Variants in DTHD1 observed in about 807,000 individuals in gnomAD.
The protein encoded by DTHD1 is death domain-containing protein 1.
A neutral mutation model predicts 74.8 loss-of-function variants in DTHD1; 59 were observed. That is an observed-to-expected ratio of 0.79 (90% CI 0.64 to 0.98). DTHD1 has a LOEUF of 0.98. DTHD1 is among the 50% of genes least tolerant of loss of function. The pLI is 0.00. For missense variants in DTHD1, 1,051 were observed against 1,065.4 expected (o/e 0.99, Z 0.19); for synonymous variants, 365 against 371.1 (o/e 0.98, Z 0.19).
At chr4:36,340,825 A>G (rs1759275363) in intron 9 of DTHD1, among the ~76,000 whole-genome samples, 1 of 152,144 alleles carries the variant, frequency 6.6e-6, no homozygotes, top group African/African-American at 2.4e-5. Flanking sequence ...GAGGACAGAA[A>G]TAGAAGAGGC....
intron 5 of DTHD1, among the ~76,000 whole-genome samples, chr4:36,305,798 G>C (rs1015960827): frequency 7.2e-5 from 11 of 152,062 alleles, no homozygotes; most frequent in African/African-American, 9.7e-5. Context: ...TTACATCAGC[G>C]AGTTTATTAA....
At chr4:36,285,356 T>C (rs1340667191) in intron 2 of DTHD1, among the ~76,000 whole-genome samples, 3 of 152,158 alleles carry the variant, frequency 2.0e-5, no homozygotes, top group African/African-American at 7.2e-5. Context: ...AAGAAAATCA[T>C]TATGAGTTTT....
intron 2 of DTHD1, among the ~76,000 whole-genome samples, chr4:36,290,060 T>C (rs990527755): frequency 2.6e-5 from 4 of 152,316 alleles, no homozygotes; most frequent in African/African-American, 9.6e-5. Flanking sequence ...TAAATAACAA[T>C]AGTAACAAAA....
At chr4:36,331,537 T>A (rs963385468) in intron 8 of DTHD1, among the ~76,000 whole-genome samples, 3 of 152,212 alleles carry the variant, frequency 2.0e-5, no homozygotes, top group Middle Eastern at 3.2e-3. Context: ...CTATCACTTT[T>A]ACTTGTATGT....
intron 6 of DTHD1, among the ~76,000 whole-genome samples, chr4:36,306,956 A>G (rs767721910): frequency 6.6e-5 from 10 of 152,240 alleles, no homozygotes; most frequent in Non-Finnish European, 1.5e-4. Flanking sequence ...TGAATCCTGT[A>G]GGGCAAAGGA....
At position 36,306,284 on chromosome 4, in the gene DTHD1, G is replaced by A. The variant is rs996610454; in HGVS notation, c.1737G>A (p.Gly579=). The A allele has an allele frequency of 6.4e-7, 1 of 1,551,680 alleles. No individual in the cohort carries two copies. Among genetic ancestry groups the A allele is most frequent in the Non-Finnish European group, 8.7e-7 (1 of 1,146,952 alleles). ...GAAGCCAAGACAGTGGTTGGTGTGG[G>A]CTTGATGATGTTGTGAAAACCATAC... ...GFRSQDSGWC[G]LDDVVKTIQS... Residue 579 remains glycine, a synonymous_variant, in exon 6 of 10, where the codon GGG becomes GGA. Coordinates refer to ENST00000639862, the MANE Select transcript of DTHD1 (RefSeq NM_001170700.3).
rs138647023 is a variant in DTHD1 at position 36,307,018 on chromosome 4, C to T, written c.1805+666C>T. Among the ~76,000 whole-genome samples, 55 of 152,316 alleles carry T rather than the reference C, an allele frequency of 3.6e-4. 2 individuals carry two copies. In the South Asian group the frequency reaches 6.8e-3, roughly 19 times the overall value. On this transcript the variant is annotated intron_variant, in intron 6 of 9. Coordinates refer to ENST00000639862, the MANE Select transcript of DTHD1 (RefSeq NM_001170700.3). ...GATGAAGTATTTCTGTAGCCTGACA[C>T]GCTCCGGGGAGCTCTGCAGTGCGAG...
intron 8 of DTHD1, among the ~76,000 whole-genome samples, chr4:36,329,179 G>T (rs16992080): frequency 6.6e-6 from 1 of 152,120 alleles, no homozygotes; most frequent in Non-Finnish European, 1.5e-5. Context: ...ACCTTTAGAG[G>T]GTTTGGCAAA....
At chr4:36,291,951 G>A (rs1241597227) in intron 3 of DTHD1, among the ~76,000 whole-genome samples, 1 of 152,094 alleles carries the variant, frequency 6.6e-6, no homozygotes, top group Non-Finnish European at 1.5e-5. Flanking sequence ...CTTTATGTAA[G>A]TTGTCGTTTG....
intron 8 of DTHD1, among the ~76,000 whole-genome samples, chr4:36,324,137 T>TC (rs145488420): frequency 2.6e-5 from 4 of 151,810 alleles, no homozygotes; most frequent in African/African-American, 4.8e-5. Context: ...TCCCTTCTCC[T>TC]CCCCCCCATT....
intron 8 of DTHD1, among the ~76,000 whole-genome samples, chr4:36,322,937 C>T (rs747040074): frequency 6.6e-6 from 1 of 152,176 alleles, no homozygotes; most frequent in South Asian, 2.1e-4. Context: ...TGTGTGCGTG[C>T]GTCTGAAGTC....
At chr4:36,283,658 A>G (rs1279088785) in intron 1 of DTHD1, among the ~76,000 whole-genome samples, 1 of 152,194 alleles carries the variant, frequency 6.6e-6, no homozygotes, top group Non-Finnish European at 1.5e-5. Context: ...ATTGAGGGAG[A>G]TGTTGACTTC....
chr4:36,318,970 C>T (rs1463234487), intron 8 of DTHD1, among the ~76,000 whole-genome samples: 5 of 152,148 alleles, frequency 3.3e-5, no homozygotes, highest in African/African-American at 1.2e-4. Context: ...CCGTTACTTA[C>T]GCATGCGGCA....
intron 8 of DTHD1, among the ~76,000 whole-genome samples, chr4:36,334,358 G>GTTTTTTTTTTTTTTTTT (rs34455692): frequency 7.2e-6 from 1 of 138,906 alleles, no homozygotes; most frequent in Non-Finnish European, 1.6e-5. Flanking sequence ...ATTTTTTTTG[G>GTTTTTTTTTTTTTTTTT]TTTTTTTTTT....
intron 5 of DTHD1, among the ~76,000 whole-genome samples, chr4:36,305,014 C>T (rs1425262073): frequency 1.3e-5 from 2 of 152,128 alleles, no homozygotes; most frequent in African/African-American, 4.8e-5. Flanking sequence ...GTCACATGAG[C>T]TGTGGTTGGG....
chr4:36,282,945 G>A (rs559034940), intron 1 of DTHD1, among the ~76,000 whole-genome samples: 64 of 152,180 alleles, frequency 4.2e-4, no homozygotes, highest in Middle Eastern at 6.8e-3. Flanking sequence ...AAAAAACAAG[G>A]ACTTGGTTAC....
At chr4:36,303,941 A>AT (rs1327961449) in intron 5 of DTHD1, among the ~76,000 whole-genome samples, 1 of 152,064 alleles carries the variant, frequency 6.6e-6, no homozygotes, top group Admixed American at 6.5e-5. Context: ...AGTGACACAT[A>AT]TTTTTTTTCA....
chr4:36,314,155 G>T (rs1428014576), intron 7 of DTHD1, among the ~76,000 whole-genome samples: 1 of 149,744 alleles, frequency 6.7e-6, no homozygotes, highest in Non-Finnish European at 1.5e-5. Flanking sequence ...TACACCATCT[G>T]TAATCTGGAG....
rs116027833 is a variant in DTHD1 at position 36,294,044 on chromosome 4, T to C, written c.1398+339T>C. On this transcript the variant is annotated intron_variant, in intron 4 of 9. Coordinates refer to ENST00000639862, the MANE Select transcript of DTHD1 (RefSeq NM_001170700.3). ...TTGGAACATACATATAATTCAAAGA[T>C]TTTGATCAGCGAGGATGACAAAAAA... Among the ~76,000 whole-genome samples the C allele has an allele frequency of 2.3e-3, 355 of 152,106 alleles. 3 individuals carry two copies. Among genetic ancestry groups the C allele is most frequent in the African/African-American group, 8.2e-3 (340 of 41,546 alleles).
Sources: allele counts gnomAD v4.1 joint callset (sites outside exome capture counted in the v4.1 genomes callset), GRCh38; gene constraint gnomAD v4.1.1; transcripts MANE v1.5; gene names NCBI Gene and HGNC (gene_info 2026-07-23, HGNC 2026-07-21).